RHBDD1: variants seen among roughly 807,000 people sequenced by gnomAD.
The protein encoded by RHBDD1 is rhomboid domain containing 1, also known as rhomboid-related protein 4.
In RHBDD1, 38 loss-of-function variants were observed where a neutral mutation model predicts 36.3. The observed-to-expected ratio is 1.05, with a 90% CI of 0.81 to 1.37. RHBDD1 has a LOEUF of 1.37. Among genes scored for constraint, RHBDD1 ranks in the 40% most tolerant of loss-of-function variants. RHBDD1 has a pLI of 0.00. For missense variants in RHBDD1, 393 were observed against 377.6 expected (o/e 1.04, Z -0.34); for synonymous variants, 151 against 136.5 (o/e 1.11, Z -0.74).
chr2:226,985,823 T>G (rs1312711439), intron 8 of RHBDD1, among the ~76,000 whole-genome samples: 1 of 152,248 alleles, frequency 6.6e-6, no homozygotes, highest in African/African-American at 2.4e-5. Flanking sequence ...ATCCTACTCA[T>G]GCCCAAGAGT....
At chr2:226,861,885 A>G (rs1054917965) in intron 3 of RHBDD1, among the ~76,000 whole-genome samples, 3 of 152,234 alleles carry the variant, frequency 2.0e-5, no homozygotes, top group Non-Finnish European at 2.9e-5. Context: ...AAATTTCATT[A>G]AATTCTCTAG....
chr2:226,876,294 CAA>C, intron 5 of RHBDD1, among the ~76,000 whole-genome samples: 2 of 152,168 alleles, frequency 1.3e-5, no homozygotes, highest in South Asian at 4.2e-4. Flanking sequence ...TTGACATAGA[CAA>C]GAGAAGAAAC....
chr2:226,920,901 C>G (rs1294888060), intron 8 of RHBDD1, among the ~76,000 whole-genome samples: 1 of 152,046 alleles, frequency 6.6e-6, no homozygotes, highest in African/African-American at 2.4e-5. Context: ...TTCCCTCTGC[C>G]TCTGTTTTTC....
intron 5 of RHBDD1, among the ~76,000 whole-genome samples, chr2:226,872,542 C>T (rs917206083): frequency 6.6e-6 from 1 of 152,142 alleles, no homozygotes; most frequent in Non-Finnish European, 1.5e-5. Flanking sequence ...TGGAAAGCCT[C>T]TATCAATGTT....
intron 3 of RHBDD1, among the ~76,000 whole-genome samples, chr2:226,864,067 G>T (rs1255978441): frequency 6.6e-6 from 1 of 152,208 alleles, no homozygotes; most frequent in Non-Finnish European, 1.5e-5. Flanking sequence ...AGCTGAAGTT[G>T]TTATGAAAGT....
chr2:226,888,163 G>C (rs1946385749), intron 5 of RHBDD1, among the ~76,000 whole-genome samples: 3 of 152,164 alleles, frequency 2.0e-5, no homozygotes, highest in African/African-American at 7.2e-5. Context: ...CACGTAGTTG[G>C]TGAGCAGCAT....
chr2:226,908,477 CAG>C (rs888416603), intron 6 of RHBDD1: 4 of 223,726 alleles, frequency 1.8e-5, no homozygotes, highest in African/African-American at 9.0e-5. Flanking sequence ...TCCATTTAGC[CAG>C]AGTGTCTCTG....
rs115935114 is a variant in RHBDD1 at position 226,975,339 on chromosome 2, C to T, written c.857-20092C>T. On this transcript the variant is annotated intron_variant, in intron 8 of 8. Transcript: ENST00000392062. Reference sequence around the variant, plus strand: ...TATATAAAATCATCACGTTGTACACCTTAAACTTATACAATTTTATTTGTC... The same window carrying T: ...TATATAAAATCATCACGTTGTACACTTTAAACTTATACAATTTTATTTGTC... Among the ~76,000 whole-genome samples the T allele has an allele frequency of 3.1e-3, 476 of 152,198 alleles. 2 individuals carry two copies. The highest frequency in any genetic ancestry group is 0.011 in the African/African-American group (455 of 41,522).
chr2:226,923,950 G>A (rs923962519), intron 8 of RHBDD1, among the ~76,000 whole-genome samples: 1 of 152,068 alleles, frequency 6.6e-6, no homozygotes, highest in Admixed American at 6.6e-5. Context: ...CTTTCCAAGA[G>A]CCAAGGCCTG....
At chr2:226,826,965 TTTATTA>T in the RHBDD1 span, among the ~76,000 whole-genome samples, 2 of 152,240 alleles carry the variant, frequency 1.3e-5, no homozygotes, top group Admixed American at 6.5e-5. Flanking sequence ...TAAAAAATTT[TTTATTA>T]TTATTTCTTA....
intron 8 of RHBDD1, chr2:226,969,024 G>T: frequency 4.8e-6 from 1 of 207,590 alleles, no homozygotes; most frequent in African/African-American, 2.3e-5. Flanking sequence ...CATGGACACA[G>T]GCCAAAAGCC....
chr2:226,993,782 G>A (rs764590487), intron 8 of RHBDD1, among the ~76,000 whole-genome samples: 11 of 152,154 alleles, frequency 7.2e-5, no homozygotes, highest in South Asian at 2.1e-4. Context: ...ATTTCTCTTT[G>A]ACAACGGAAA....
chr2:226,991,336 C>T (rs1020211952), intron 8 of RHBDD1, among the ~76,000 whole-genome samples: 1 of 152,140 alleles, frequency 6.6e-6, no homozygotes, highest in African/African-American at 2.4e-5. Context: ...CCCAAGCCAC[C>T]ACACCCAGCT....
intron 8 of RHBDD1, chr2:226,988,444 C>T (rs1303247247): frequency 1.3e-6 from 2 of 1,549,692 alleles, no homozygotes; most frequent in African/African-American, 1.4e-5. Flanking sequence ...CAGTTTGGAC[C>T]TAAGGAATCC....
rs182900238 is a variant in RHBDD1, at chr2:226,879,651, C to T, written c.566+12333C>T. Among the ~76,000 whole-genome samples, 317 of 152,268 alleles carry T rather than the reference C, an allele frequency of 2.1e-3. 4 individuals are homozygous for T. Among genetic ancestry groups the T allele is most frequent in the African/African-American group, 7.3e-3 (304 of 41,560 alleles). The stretch of plus-strand genomic sequence containing the variant: ...TTTCCCAAATGAAAGTATAACATTC[C>T]TTTCTAAATTGTTTGAAATGTAAAA... On this transcript the variant is annotated intron_variant, in intron 5 of 8. Coordinates refer to ENST00000392062, the MANE Select transcript of RHBDD1 (RefSeq NM_001167608.3).
At chr2:226,962,707 A>G (rs1408982264) in intron 8 of RHBDD1, among the ~76,000 whole-genome samples, 1 of 152,214 alleles carries the variant, frequency 6.6e-6, no homozygotes, top group Non-Finnish European at 1.5e-5. Flanking sequence ...AAAGGCAGAC[A>G]AGGGAGGAGG....
At chr2:226,851,821 T>G (rs1333090863) in intron 3 of RHBDD1, among the ~76,000 whole-genome samples, 1 of 152,240 alleles carries the variant, frequency 6.6e-6, no homozygotes, top group Non-Finnish European at 1.5e-5. Flanking sequence ...CTCAGCCTTT[T>G]GCCTTTACCT....
chr2:226,973,479 C>T, intron 8 of RHBDD1, among the ~76,000 whole-genome samples: 1 of 152,210 alleles, frequency 6.6e-6, no homozygotes, highest in East Asian at 1.9e-4. Context: ...TACCCAACTG[C>T]CCCCATTCTA....
intron 8 of RHBDD1, among the ~76,000 whole-genome samples, chr2:226,929,565 G>T (rs1183916447): frequency 6.6e-6 from 1 of 151,990 alleles, no homozygotes; most frequent in African/African-American, 2.4e-5. Flanking sequence ...GAGAAAAGGT[G>T]AAAAGAATTC....
Sources: allele counts gnomAD v4.1 joint callset (sites outside exome capture counted in the v4.1 genomes callset), GRCh38; gene constraint gnomAD v4.1.1; transcripts MANE v1.5; gene names NCBI Gene and HGNC (gene_info 2026-07-23, HGNC 2026-07-21).